Variants in MSRA observed in about 807,000 individuals in gnomAD.
The protein encoded by MSRA is mitochondrial peptide methionine sulfoxide reductase.
Under a neutral mutation model 31.3 loss-of-function variants are expected in MSRA, and 54 were observed. The ratio of observed to expected loss-of-function variants is 1.73; its 90% confidence interval spans 1.39 to 2.17. The LOEUF (loss-of-function observed/expected upper bound fraction) is 2.17, where lower values mean the gene tolerates loss of function less well. Among genes scored for constraint, MSRA ranks in the 30% most tolerant of loss-of-function variants. MSRA has a pLI of 0.00. For missense variants in MSRA, 507 were observed against 300.9 expected (o/e 1.69, Z -5.07); for synonymous variants, 169 against 116.5 (o/e 1.45, Z -2.90).
At chr8:10,117,702 A>T (rs17151117) in intron 1 of MSRA, among the ~76,000 whole-genome samples, 1 of 152,140 alleles carries the variant, frequency 6.6e-6, no homozygotes, top group African/African-American at 2.4e-5. Context: ...AATACATTTC[A>T]GGGTCTTTTT....
At chr8:10,169,469 T>C (rs1269856320) in intron 1 of MSRA, among the ~76,000 whole-genome samples, 1 of 152,162 alleles carries the variant, frequency 6.6e-6, no homozygotes, top group Non-Finnish European at 1.5e-5. Flanking sequence ...TGAAATTAAC[T>C]CAAAGTGGAT....
At chr8:10,203,793 A>T (rs7812517) in intron 1 of MSRA, among the ~76,000 whole-genome samples, 1 of 151,958 alleles carries the variant, frequency 6.6e-6, no homozygotes, top group South Asian at 2.1e-4. Context: ...AGAAGGAGAC[A>T]TTGTTACCAT....
At chr8:10,383,987 C>T (rs908297313) in intron 5 of MSRA, among the ~76,000 whole-genome samples, 13 of 152,178 alleles carry the variant, frequency 8.5e-5, no homozygotes, top group African/African-American at 1.2e-4. Context: ...GCCACATTCA[C>T]GTTCTGATGC....
At chr8:10,415,198 C>T (rs1275291096) in intron 5 of MSRA, among the ~76,000 whole-genome samples, 1 of 152,192 alleles carries the variant, frequency 6.6e-6, no homozygotes, top group East Asian at 1.9e-4. Flanking sequence ...CCAGCCCTGT[C>T]CAGCCTGGTG....
intron 1 of MSRA, among the ~76,000 whole-genome samples, chr8:10,064,847 A>G (rs1029086138): frequency 6.6e-6 from 1 of 152,198 alleles, no homozygotes; most frequent in Non-Finnish European, 1.5e-5. Context: ...ATTTTAACAG[A>G]TTGTACCCAG....
intron 1 of MSRA, among the ~76,000 whole-genome samples, chr8:10,082,645 G>A (rs1798353596): frequency 6.6e-6 from 1 of 152,156 alleles, no homozygotes; most frequent in African/African-American, 2.4e-5. Context: ...GTGTAACCTT[G>A]GAGGTTGGAC....
intron 1 of MSRA, among the ~76,000 whole-genome samples, chr8:10,134,128 G>A (rs901165978): frequency 2.0e-5 from 3 of 152,086 alleles, no homozygotes; most frequent in Admixed American, 6.5e-5. Context: ...CACTGTGCCC[G>A]GCCTGGATCC....
chr8:10,321,230 ATT>A (rs1185405452), intron 5 of MSRA, among the ~76,000 whole-genome samples: 4 of 152,054 alleles, frequency 2.6e-5, no homozygotes, highest in Non-Finnish European at 5.9e-5. Context: ...TTATCATTAT[ATT>A]TTCTGATGTG....
At chr8:10,183,794 T>C (rs1177870382) in intron 1 of MSRA, among the ~76,000 whole-genome samples, 1 of 147,366 alleles carries the variant, frequency 6.8e-6, no homozygotes, top group Non-Finnish European at 1.5e-5. Context: ...GTGGTGGTGG[T>C]GGTGGTGGTG....
chr8:10,388,344 G>A (rs758481564), intron 5 of MSRA, among the ~76,000 whole-genome samples: 1 of 152,130 alleles, frequency 6.6e-6, no homozygotes, highest in Non-Finnish European at 1.5e-5. Context: ...CGTCTTCCTG[G>A]TACAGAGAGG....
chr8:10,255,691 A>G (rs1186058214), intron 3 of MSRA, among the ~76,000 whole-genome samples: 1 of 151,960 alleles, frequency 6.6e-6, no homozygotes, highest in Non-Finnish European at 1.5e-5. Flanking sequence ...TGCTCTGGGG[A>G]ACAATCATCT....
intron 1 of MSRA, among the ~76,000 whole-genome samples, chr8:10,098,027 G>A (rs989634393): frequency 3.9e-5 from 6 of 151,946 alleles, no homozygotes; most frequent in African/African-American, 1.5e-4. Flanking sequence ...CTTTGTGCAA[G>A]CTTTTTTTAA....
At chr8:10,388,005 GA>G (rs1007157263) in intron 5 of MSRA, among the ~76,000 whole-genome samples, 12 of 151,956 alleles carry the variant, frequency 7.9e-5, no homozygotes, top group African/African-American at 2.9e-4. Flanking sequence ...CAGGGGAGGG[GA>G]AAAAAAGTTT....
At chr8:10,131,220 G>A (rs772176362) in intron 1 of MSRA, among the ~76,000 whole-genome samples, 21 of 152,164 alleles carry the variant, frequency 1.4e-4, no homozygotes, top group Admixed American at 1.4e-3. Flanking sequence ...TAGGAGAAAT[G>A]TACACGTTCA....
intron 5 of MSRA, among the ~76,000 whole-genome samples, chr8:10,389,861 G>A (rs1432074465): frequency 7.6e-6 from 1 of 131,166 alleles, no homozygotes; most frequent in Non-Finnish European, 1.5e-5. Flanking sequence ...ACCACACACT[G>A]TTGCCTGAAA....
chr8:10,213,327 T>G (rs767120075), intron 2 of MSRA, among the ~76,000 whole-genome samples: 4 of 152,150 alleles, frequency 2.6e-5, no homozygotes, highest in Non-Finnish European at 5.9e-5. Flanking sequence ...CTTATTTCAC[T>G]TAACATAGTG....
At chr8:10,072,387 C>T (rs1294172811) in intron 1 of MSRA, among the ~76,000 whole-genome samples, 3 of 151,148 alleles carry the variant, frequency 2.0e-5, no homozygotes, top group African/African-American at 7.3e-5. Flanking sequence ...TGATTTGCTT[C>T]TGCATTTTTG....
intron 2 of MSRA, among the ~76,000 whole-genome samples, chr8:10,224,146 T>G (rs1417377781): frequency 6.6e-6 from 1 of 152,234 alleles, no homozygotes; most frequent in African/African-American, 2.4e-5. Context: ...GCTAGGCCCT[T>G]AACAGATAGT....
intron 5 of MSRA, among the ~76,000 whole-genome samples, chr8:10,424,156 A>AT (rs1300267189): frequency 1.3e-5 from 2 of 152,236 alleles, no homozygotes; most frequent in Non-Finnish European, 2.9e-5. Flanking sequence ...TCAGAGATGG[A>AT]TAGGAGTTCC....
Sources: gnomAD v4.1 joint callset for allele counts (sites outside exome capture counted in the v4.1 genomes callset) on GRCh38, gnomAD v4.1.1 for gene constraint, MANE v1.5 for transcripts, NCBI Gene and HGNC (gene_info 2026-07-23, HGNC 2026-07-21) for gene names.